DOT1L: variants seen among roughly 807,000 people sequenced by gnomAD.
DOT1L encodes the protein histone-lysine N-methyltransferase, H3 lysine-79 specific.
A neutral mutation model predicts 153.3 loss-of-function variants in DOT1L; 33 were observed. That is an observed-to-expected ratio of 0.22 (90% CI 0.16 to 0.29). The LOEUF (loss-of-function observed/expected upper bound fraction) is 0.29. DOT1L is among the 10% of genes least tolerant of loss of function. The pLI is 1.00. For synonymous variants in DOT1L, 1,135 were observed against 965.1 expected, an observed-to-expected ratio of 1.18 and a Z score of -3.26; for missense variants, 1,847 against 2,119.9, an observed-to-expected ratio of 0.87 and a Z score of 2.53.
chr19:2,229,276 C>T (rs567919062), intron 27 of DOT1L: 16 of 985,472 alleles, frequency 1.6e-5, no homozygotes, highest in African/African-American at 7.0e-5. Flanking sequence ...AGGGACATGG[C>T]GTGCCTGGCG....
intron 1 of DOT1L, among the ~76,000 whole-genome samples, chr19:2,177,752 C>T (rs1011405304): frequency 3.3e-5 from 5 of 152,150 alleles, no homozygotes; most frequent in African/African-American, 1.2e-4. Context: ...CTCTTGCCTC[C>T]TCCTATTTCT....
chr19:2,222,112 C>T lies in DOT1L; in HGVS notation c.2943C>T (p.Arg981=). 1 of 1,613,330 alleles carries T rather than the reference C, an allele frequency of 6.2e-7. No homozygotes were observed. Residue 981 remains arginine (R), a synonymous_variant, in exon 24 of 28, where the codon CGC becomes CGT. Coordinates refer to ENST00000398665, the MANE Select transcript of DOT1L (RefSeq NM_032482.3). This position sits in a 1 kb window ranked among gnomAD's most constrained non-coding sequence, Gnocchi z 6.5. ...GCCTTTTTGCCACCGTGGGGTCCCG[C>T]AGCTCCACGCCACAGCACCCCCTGC... ...SGSLFATVGS[R]SSTPQHPLLL... is the part of the protein sequence containing the mutation.
At chr19:2,166,288 G>A (rs146526444) in intron 1 of DOT1L, among the ~76,000 whole-genome samples, 6,301 of 150,642 alleles carry the variant, frequency 0.042, 203 homozygotes, top group East Asian at 0.14. Flanking sequence ...TAGAGACGGG[G>A]TTTCTCCATG....
chr19:2,227,148 TCCGC>T, intron 27 of DOT1L, 21 bp downstream of exon 27: 1 of 1,556,262 alleles, frequency 6.4e-7, no homozygotes, highest in Non-Finnish European at 8.6e-7. Flanking sequence ...CGGCCGTCCG[TCCGC>T]CCCCCGCCCC....
Position 2,217,677 on chromosome 19 carries a change from A to G in DOT1L, c.2545-95A>G. 2.7e-6 allele frequency: 4 copies of G among 1,499,798 alleles called. No homozygotes were observed. Among genetic ancestry groups the G allele is most frequent in the Non-Finnish European group, 3.6e-6 (4 of 1,117,460 alleles). The allele number at this position is 1,499,798 out of a possible 1,614,324, so 92.9% of individuals were successfully genotyped here. A position where few individuals can be genotyped will look rare whatever the true frequency, so the allele number is the denominator to read the frequency against. On this transcript the variant is annotated intron_variant, in intron 21 of 27. Transcript: ENST00000398665. This position sits in a 1 kb window ranked among gnomAD's most constrained non-coding sequence, Gnocchi z 7.3. ...CCTTGGCAGCGTGGGGGCCGCCTTG[A>G]GAGAGCTGTAGCAGGCCCCCGTCCT... is the stretch of plus-strand genomic sequence containing the variant.
At chr19:2,209,112 C>A in intron 12 of DOT1L, 136 bp downstream of exon 12, 1 of 880,838 alleles carries the variant, frequency 1.1e-6, no homozygotes, top group Non-Finnish European at 1.7e-6. Flanking sequence ...CGGCCCTGTG[C>A]CCTTTCCCGC....
chr19:2,206,251 G>T (rs903812223), intron 9 of DOT1L, among the ~76,000 whole-genome samples: 1 of 152,108 alleles, frequency 6.6e-6, no homozygotes, highest in African/African-American at 2.4e-5. Flanking sequence ...CTCCCAAAGT[G>T]CTGGGATTAC....
At chr19:2,227,506 G>A (rs1408367282) in intron 27 of DOT1L, 5 of 523,240 alleles carry the variant, frequency 9.6e-6, no homozygotes, top group Admixed American at 2.4e-5. Flanking sequence ...CAGACAGGGC[G>A]GAGAGGAGCC....
chr19:2,227,267 G>A (rs1319875520), intron 27 of DOT1L, 140 bp downstream of exon 27: 4 of 1,107,482 alleles, frequency 3.6e-6, no homozygotes, highest in Non-Finnish European at 1.4e-6. Context: ...CGCCATCCGT[G>A]CACGGTGGCG....
Position 2,193,941 on chromosome 19 carries a change from A to G in DOT1L, c.588+158A>G, listed in dbSNP as rs1293307724. Among the ~76,000 whole-genome samples, 1 of 152,096 alleles carries G rather than the reference A, an allele frequency of 6.6e-6. No homozygotes were observed. The highest frequency in any genetic ancestry group is 2.4e-5 in the African/African-American group (1 of 41,434). On this transcript the variant is annotated intron_variant, in intron 6 of 27. Transcript: ENST00000398665. This position sits in a 1 kb window ranked among gnomAD's most constrained non-coding sequence, Gnocchi z 5.9. Reference sequence around the variant, plus strand: ...TGGTTGCCTGCAGCGTGTGCCTGTGAATAGGGTGCCCGATCGCCCTCACGG... The same window carrying G: ...TGGTTGCCTGCAGCGTGTGCCTGTGGATAGGGTGCCCGATCGCCCTCACGG...
At chr19:2,209,096 G>A (rs541600177) in intron 12 of DOT1L, 120 bp downstream of exon 12, 45 of 1,149,402 alleles carry the variant, frequency 3.9e-5, no homozygotes, top group Admixed American at 7.5e-5. Context: ...GCCGCCCCTC[G>A]GGGCCCGGCC....
intron 1 of DOT1L, among the ~76,000 whole-genome samples, chr19:2,179,220 C>T (rs1402252003): frequency 6.6e-6 from 1 of 152,204 alleles, no homozygotes; most frequent in East Asian, 1.9e-4. Flanking sequence ...GGTTGCGTCC[C>T]GCTGGGCCTT....
rs1220110937 is a variant in DOT1L, at chr19:2,231,046, G to T, written c.*1254G>T. 3.8e-5 allele frequency: 9 copies of T among 235,346 alleles called. No individual in the cohort carries two copies. The highest frequency in any genetic ancestry group is 6.7e-5 in the Non-Finnish European group (8 of 119,910). The allele number at this position is 235,346 out of a possible 1,614,324, so 14.6% of individuals were successfully genotyped here. On this transcript the variant is annotated 3_prime_UTR_variant, in exon 28 of 28. Coordinates refer to ENST00000398665, the MANE Select transcript of DOT1L (RefSeq NM_032482.3). ...CAGCCTTGGCGGGTGCCTGGGACTGGGTGTGGAAGGAGAGGAGCTGAGGCC... is the reference window on the plus strand; with the variant it reads ...CAGCCTTGGCGGGTGCCTGGGACTGTGTGTGGAAGGAGAGGAGCTGAGGCC...
chr19:2,192,403 C>T (rs950111739), intron 5 of DOT1L, among the ~76,000 whole-genome samples: 11 of 152,216 alleles, frequency 7.2e-5, no homozygotes, highest in Non-Finnish European at 1.2e-4. Context: ...CGTGGTGGCT[C>T]ACGCCTGTAA....
At position 2,222,333 on chromosome 19, in the gene DOT1L, G is replaced by A; in HGVS notation, c.3164G>A (p.Ser1055Asn). 1 of 1,612,870 alleles carries A rather than the reference G, an allele frequency of 6.2e-7. No individual in the cohort carries two copies. Among genetic ancestry groups the A allele is most frequent in the Non-Finnish European group, 8.5e-7 (1 of 1,179,872 alleles). The change falls in exon 24 of 28, where the codon AGT becomes AAT. Residue 1055 changes from serine to asparagine, a missense_variant. Ser to Asn is a conservative substitution (Grantham distance 46). Transcript: ENST00000398665. This position sits in a 1 kb window ranked among gnomAD's most constrained non-coding sequence, Gnocchi z 6.5. ...TTCACCATCACCACTGGTGCGGGCA[G>A]TGCCAAGCAGTCGCCCTCCAGCAAG... ...IVFTITTGAG[S>N]AKQSPSSKHS... is the part of the protein sequence containing the mutation.
At chr19:2,174,997 T>C (rs1351295599) in intron 1 of DOT1L, among the ~76,000 whole-genome samples, 1 of 93,874 alleles carries the variant, frequency 1.1e-5, no homozygotes, top group Non-Finnish European at 2.0e-5. Context: ...TGTGTGTGTA[T>C]ATATATATTT....
chr19:2,211,536 C>T lies in DOT1L; in HGVS notation c.1466-215C>T, dbSNP rs117652209. Among the ~76,000 whole-genome samples the T allele has an allele frequency of 5.4e-3, 829 of 152,312 alleles. 7 individuals carry two copies. Among genetic ancestry groups the T allele is most frequent in the East Asian group, 0.03 (154 of 5,188 alleles). On this transcript the variant is annotated intron_variant, in intron 15 of 27. Coordinates refer to ENST00000398665, the MANE Select transcript of DOT1L (RefSeq NM_032482.3). The stretch of plus-strand genomic sequence containing the variant: ...CCTTGCAGTGCCCAGGATGGCCCCA[C>T]GCGGTGAACACTTGGCTGCGCAGGG...
rs908784991 is a variant in DOT1L, at chr19:2,230,616, T to C, written c.*824T>C. 2.5e-6 allele frequency: 1 copy of C among 398,538 alleles called. No homozygotes were observed. The highest frequency in any genetic ancestry group is 4.4e-6 in the Non-Finnish European group (1 of 226,068). 24.7% of individuals were successfully genotyped at this position (398,538 alleles called of 1,614,324 possible). On this transcript the variant is annotated 3_prime_UTR_variant, in exon 28 of 28. Transcript: ENST00000398665. ...TGTCGTGGGTCCCTTGGTGTTTCTG[T>C]ACAGGAGAGAGTCACACTAATGAGT...
chr19:2,209,766 C>T (rs899876462), intron 12 of DOT1L, among the ~76,000 whole-genome samples: 1 of 152,236 alleles, frequency 6.6e-6, no homozygotes, highest in East Asian at 1.9e-4. Flanking sequence ...GAACCCCGTA[C>T]AGGAAGGGCT....
Sources: allele counts gnomAD v4.1 joint callset (sites outside exome capture counted in the v4.1 genomes callset), GRCh38; gene constraint gnomAD v4.1.1; non-coding constraint Gnocchi (gnomAD v3.1); transcripts MANE v1.5; gene names NCBI Gene and HGNC (gene_info 2026-07-23, HGNC 2026-07-21).